RBPJ: variants seen among roughly 807,000 people sequenced by gnomAD.
RBPJ encodes the protein recombination signal binding protein for immunoglobulin kappa J region.
Under a neutral mutation model 67.8 loss-of-function variants are expected in RBPJ, and 9 were observed. The ratio of observed to expected loss-of-function variants is 0.13; its 90% CI spans 0.08 to 0.23. The LOEUF is 0.23. Ranked by LOEUF, RBPJ falls within the 10% of genes least tolerant of loss-of-function variation. RBPJ has a pLI of 1.00. For missense variants in RBPJ, 305 were observed against 595.6 expected, an observed-to-expected ratio of 0.51 and a Z score of 5.08; for synonymous variants, 198 against 203.3, an observed-to-expected ratio of 0.97 and a Z score of 0.22.
At position 26,432,600 on chromosome 4, in the gene RBPJ, C is replaced by T. The variant is rs985642826; in HGVS notation, c.*1593C>T. The T allele has an allele frequency of 1.1e-4, 17 of 152,260 alleles. No individual in the cohort carries two copies. Among genetic ancestry groups the T allele is most frequent in the South Asian group, 4.1e-4 (2 of 4,826 alleles). 9.4% of individuals were successfully genotyped at this position (152,260 alleles called of 1,614,324 possible). ...TGTTTATGCCTTTGTTTGGTTTCTT[C>T]GAAATTGCAGCAGACTCATTGGGCT... is the stretch of plus-strand genomic sequence containing the variant. On this transcript the variant is annotated 3_prime_UTR_variant, in exon 11 of 11. Transcript: ENST00000355476.
At chr4:26,277,080 G>A (rs1017815023) in intron 1 of RBPJ, among the ~76,000 whole-genome samples, 1 of 150,092 alleles carries the variant, frequency 6.7e-6, no homozygotes, top group Non-Finnish European at 1.5e-5. Context: ...CAGGAGTGGG[G>A]ACCAGCCTGG....
rs78445835 is a variant in RBPJ, at chr4:26,331,770, T to G, written c.20+10722T>G. Among the ~76,000 whole-genome samples the G allele has an allele frequency of 5.0e-3, 758 of 152,324 alleles. 3 individuals are homozygous for G. Among genetic ancestry groups the G allele is most frequent in the Admixed American group, 9.7e-3 (148 of 15,306 alleles). ...CTGGACGCAGTTACCTCTGGCTTACTCCAGTCTCTGCCTCTTTTCTCTCTA... is the reference window on the plus strand; with the variant it reads ...CTGGACGCAGTTACCTCTGGCTTACGCCAGTCTCTGCCTCTTTTCTCTCTA... On this transcript the variant is annotated intron_variant, in intron 1 of 10. Transcript: ENST00000355476.
chr4:26,320,628 C>T (rs748714849), upstream of RBPJ: 29 of 1,127,874 alleles, frequency 2.6e-5, no homozygotes, highest in Non-Finnish European at 3.6e-5. Context: ...ACCCCTCCTC[C>T]CTTCTCCTCG....
chr4:26,209,583 CT>C, intron 1 of RBPJ, among the ~76,000 whole-genome samples: 1 of 144,188 alleles, frequency 6.9e-6, no homozygotes, highest in African/African-American at 2.5e-5. Flanking sequence ...CCTTCCCTGT[CT>C]CCCTCCCTTC....
intron 1 of RBPJ, among the ~76,000 whole-genome samples, chr4:26,224,979 T>A (rs768377443): frequency 2.6e-5 from 4 of 152,184 alleles, no homozygotes; most frequent in South Asian, 2.1e-4. Flanking sequence ...AAAGACGTGG[T>A]ATACATGAAA....
At chr4:26,287,571 AAGGAAAGGAC>A (rs1343291451) in intron 1 of RBPJ, among the ~76,000 whole-genome samples, 82 of 42,468 alleles carry the variant, frequency 1.9e-3, no homozygotes, top group African/African-American at 0.011. Flanking sequence ...AAGGAAAGGA[AAGGAAAGGAC>A]AGGAGAGGAG....
intron 2 of RBPJ, among the ~76,000 whole-genome samples, chr4:26,405,830 A>G (rs1159401146): frequency 6.6e-6 from 1 of 152,160 alleles, no homozygotes; most frequent in Non-Finnish European, 1.5e-5. Flanking sequence ...CATTTTATTA[A>G]CTTTATAATA....
chr4:26,276,144 A>G (rs922459292), intron 1 of RBPJ, among the ~76,000 whole-genome samples: 1 of 151,106 alleles, frequency 6.6e-6, no homozygotes, highest in Non-Finnish European at 1.5e-5. Flanking sequence ...GCATGGTGGC[A>G]CATGCCTGTA....
At chr4:26,180,100 C>T (rs897736783) in intron 1 of RBPJ, among the ~76,000 whole-genome samples, 4 of 151,960 alleles carry the variant, frequency 2.6e-5, no homozygotes, top group Non-Finnish European at 5.9e-5. Context: ...CGTGTTCTGA[C>T]TTATAAGTGG....
chr4:26,413,837 C>G (rs757266425), intron 3 of RBPJ, among the ~76,000 whole-genome samples: 3 of 152,000 alleles, frequency 2.0e-5, no homozygotes, highest in Non-Finnish European at 2.9e-5. Context: ...ACGTTGTTGG[C>G]CTACAGAGTG....
At chr4:26,257,950 G>A (rs1720397571) in intron 1 of RBPJ, among the ~76,000 whole-genome samples, 1 of 152,216 alleles carries the variant, frequency 6.6e-6, no homozygotes, top group South Asian at 2.1e-4. Flanking sequence ...ATGAAAGTGT[G>A]TGTTTCTGCA....
At chr4:26,149,878 G>C in the RBPJ span, among the ~76,000 whole-genome samples, 1 of 152,166 alleles carries the variant, frequency 6.6e-6, no homozygotes, top group Non-Finnish European at 1.5e-5. Context: ...TTTTCCTCCA[G>C]GTTTGCCAGC....
chr4:26,255,539 A>C (rs1008501104), intron 1 of RBPJ, among the ~76,000 whole-genome samples: 1 of 151,100 alleles, frequency 6.6e-6, no homozygotes, highest in African/African-American at 2.4e-5. Flanking sequence ...GTGGTGGCTC[A>C]AGCCTGTAAT....
At chr4:26,344,783 G>T (rs1448727242) in intron 1 of RBPJ, among the ~76,000 whole-genome samples, 1 of 152,074 alleles carries the variant, frequency 6.6e-6, no homozygotes, top group African/African-American at 2.4e-5. Context: ...TGGGGTTATG[G>T]TCAGTATTTC....
At chr4:26,185,557 A>G (rs1226607876) in intron 1 of RBPJ, among the ~76,000 whole-genome samples, 1 of 152,170 alleles carries the variant, frequency 6.6e-6, no homozygotes, top group African/African-American at 2.4e-5. Context: ...TTTACTAGTG[A>G]CCTGCAATAT....
chr4:26,372,450 A>T (rs1729254786), intron 1 of RBPJ, among the ~76,000 whole-genome samples: 1 of 152,242 alleles, frequency 6.6e-6, no homozygotes, highest in African/African-American at 2.4e-5. Flanking sequence ...ACGTAGGGCG[A>T]TTGACTAGAC....
At chr4:26,154,663 G>A in the RBPJ span, among the ~76,000 whole-genome samples, 1 of 152,218 alleles carries the variant, frequency 6.6e-6, no homozygotes, top group African/African-American at 2.4e-5. Flanking sequence ...CCAAGACTGG[G>A]TAATTATAAT....
intron 3 of RBPJ, 139 bp downstream of exon 3, chr4:26,406,409 T>A: frequency 1.6e-6 from 1 of 606,378 alleles, no homozygotes. Flanking sequence ...GGGATTTGTC[T>A]CCTGAAGGGG....
chr4:26,196,760 G>T (rs1717781206), intron 1 of RBPJ, among the ~76,000 whole-genome samples: 1 of 152,188 alleles, frequency 6.6e-6, no homozygotes, highest in Non-Finnish European at 1.5e-5. Flanking sequence ...GCATTTTGCT[G>T]CATTTGTTCC....
Sources: allele counts gnomAD v4.1 joint callset (sites outside exome capture counted in the v4.1 genomes callset), GRCh38; gene constraint gnomAD v4.1.1; transcripts MANE v1.5; gene names NCBI Gene and HGNC (gene_info 2026-07-23, HGNC 2026-07-21).